The following ATP8B4 variants were observed in gnomAD, a reference collection of about 807,000 sequenced individuals.
ATP8B4 encodes the protein ATPase phospholipid transporting 8B4 (putative), also known as probable phospholipid-transporting ATPase IM.
In ATP8B4, 133 loss-of-function variants were observed where a neutral mutation model predicts 145.6. That is an observed-to-expected ratio of 0.91 (90% CI 0.79 to 1.05). The LOEUF is 1.05. ATP8B4 is among the 50% of genes least tolerant of loss of function. The pLI is 0.00. For synonymous variants in ATP8B4, 507 were observed against 492.9 expected (o/e 1.03, Z -0.38); for missense variants, 1,458 against 1,425.2 (o/e 1.02, Z -0.37).
Position 50,174,309 on chromosome 15 carries a change from G to C in ATP8B4, c.-43+7952C>G, listed in dbSNP as rs557670335. On this transcript the variant is annotated intron_variant, in intron 1 of 3. Coordinates refer to the ATP8B4 transcript ENST00000558829. Reference sequence around the variant, plus strand: ...TCCTAGCCAGAGTAATCAGACGAGAGAAAGAAATATAGAGCATCCAAATCG... The same window carrying C: ...TCCTAGCCAGAGTAATCAGACGAGACAAAGAAATATAGAGCATCCAAATCG... Among the ~76,000 whole-genome samples the C allele has an allele frequency of 3.9e-5, 6 of 152,222 alleles. No homozygotes were observed. The East Asian group carries it at 1.2e-3, about 29-fold the overall frequency.
intron 1 of ATP8B4, among the ~76,000 whole-genome samples, chr15:50,139,528 A>C (rs2044179320): frequency 1.3e-5 from 2 of 152,152 alleles, no homozygotes; most frequent in Non-Finnish European, 2.9e-5. Context: ...AGGTGCGGTA[A>C]ACCACCATGG....
At chr15:49,891,052 G>A (rs1269847943) in intron 23 of ATP8B4, among the ~76,000 whole-genome samples, 1 of 152,102 alleles carries the variant, frequency 6.6e-6, no homozygotes, top group Non-Finnish European at 1.5e-5. Flanking sequence ...CAAGATTTTA[G>A]CTAATTACAG....
At chr15:49,932,877 A>G (rs2041389974) in intron 15 of ATP8B4, among the ~76,000 whole-genome samples, 1 of 152,028 alleles carries the variant, frequency 6.6e-6, no homozygotes, top group Non-Finnish European at 1.5e-5. Flanking sequence ...CTTGGAATAA[A>G]ACTTGCCTAA....
chr15:50,019,270 G>A (rs1448355814), intron 6 of ATP8B4, among the ~76,000 whole-genome samples: 1 of 152,196 alleles, frequency 6.6e-6, no homozygotes, highest in African/African-American at 2.4e-5. Flanking sequence ...TGGAAAACAT[G>A]CACTTGAGTC....
At position 50,106,994 on chromosome 15, in the gene ATP8B4, C is replaced by T. The variant is rs1375530885; in HGVS notation, c.-28G>A. The T allele has an allele frequency of 3.2e-6, 5 of 1,555,104 alleles. No homozygotes were observed. The highest frequency in any genetic ancestry group is 4.3e-6 in the Non-Finnish European group (5 of 1,156,290). Reference sequence around the variant, plus strand: ...TTATACCTGATCTTTCACCAGGTCTCAACAGGTGGCCTACCTAAGAAAAAG... The same window carrying T: ...TTATACCTGATCTTTCACCAGGTCTTAACAGGTGGCCTACCTAAGAAAAAG... On this transcript the variant is annotated 5_prime_UTR_variant, in exon 2 of 28. Transcript: ENST00000284509.
intron 6 of ATP8B4, among the ~76,000 whole-genome samples, chr15:50,026,414 G>A (rs976726558): frequency 6.6e-6 from 1 of 152,182 alleles, no homozygotes; most frequent in African/African-American, 2.4e-5. Flanking sequence ...GTCCGGGAAA[G>A]AGCCCAGGAA....
At chr15:50,093,497 A>T (rs1397254195) in intron 2 of ATP8B4, among the ~76,000 whole-genome samples, 7 of 152,080 alleles carry the variant, frequency 4.6e-5, no homozygotes, top group Admixed American at 4.6e-4. Flanking sequence ...TAATCACAAA[A>T]AGAAGTTTAA....
intron 7 of ATP8B4, 30 bp downstream of exon 7, chr15:50,010,815 T>G: frequency 7.1e-7 from 1 of 1,399,992 alleles, no homozygotes; most frequent in Non-Finnish European, 9.6e-7. Flanking sequence ...TAATCTGAGA[T>G]AAATTATTCA....
chr15:50,068,230 G>GT (rs2053509277), intron 3 of ATP8B4, among the ~76,000 whole-genome samples: 2 of 152,184 alleles, frequency 1.3e-5, no homozygotes, highest in Non-Finnish European at 2.9e-5. Flanking sequence ...ATGGGCGGGA[G>GT]GGAAATAAAA....
At chr15:49,951,368 T>A (rs566244999) in intron 14 of ATP8B4, among the ~76,000 whole-genome samples, 1 of 152,236 alleles carries the variant, frequency 6.6e-6, no homozygotes, top group Admixed American at 6.5e-5. Context: ...GTTTTATGAA[T>A]CTGGTTGCTC....
chr15:50,030,172 G>T (rs1347781533), intron 6 of ATP8B4, among the ~76,000 whole-genome samples: 1 of 151,824 alleles, frequency 6.6e-6, no homozygotes, highest in Non-Finnish European at 1.5e-5. Flanking sequence ...GGCCTTTGTG[G>T]TTGAGGTTTG....
chr15:50,084,819 C>T (rs1176751096), intron 2 of ATP8B4, among the ~76,000 whole-genome samples: 2 of 152,130 alleles, frequency 1.3e-5, no homozygotes, highest in African/African-American at 4.8e-5. Flanking sequence ...TGTCACATCT[C>T]ATTCTCTGCC....
chr15:50,167,431 A>G (rs148966861), intron 1 of ATP8B4, among the ~76,000 whole-genome samples: 9 of 152,116 alleles, frequency 5.9e-5, no homozygotes, highest in East Asian at 1.9e-4. Context: ...TAGCACTTCA[A>G]TCTCTGCCTC....
At chr15:49,952,258 A>T (rs540779463) in intron 14 of ATP8B4, among the ~76,000 whole-genome samples, 2 of 152,182 alleles carry the variant, frequency 1.3e-5, no homozygotes, top group African/African-American at 4.8e-5. Flanking sequence ...AGGTTAGGGA[A>T]GTTCTCCTGG....
chr15:49,881,455 G>A (rs1015680827), intron 23 of ATP8B4, among the ~76,000 whole-genome samples: 53 of 152,182 alleles, frequency 3.5e-4, no homozygotes, highest in African/African-American at 1.3e-3. Flanking sequence ...ATCAGCTCTT[G>A]TGAATCAGTA....
chr15:50,047,097 T>C (rs1244782256), intron 4 of ATP8B4, among the ~76,000 whole-genome samples: 1 of 152,226 alleles, frequency 6.6e-6, no homozygotes, highest in Non-Finnish European at 1.5e-5. Flanking sequence ...TATTAGGCTC[T>C]GGTTTGGTTC....
At chr15:50,072,939 T>C (rs1324894937) in intron 3 of ATP8B4, among the ~76,000 whole-genome samples, 1 of 21,344 alleles carries the variant, frequency 4.7e-5, no homozygotes, top group African/African-American at 1.9e-4. Flanking sequence ...TCTCTCTCTC[T>C]CTCTCTCTCT....
intron 9 of ATP8B4, among the ~76,000 whole-genome samples, chr15:49,992,192 A>C (rs1343582727): frequency 6.6e-6 from 1 of 152,186 alleles, no homozygotes; most frequent in African/African-American, 2.4e-5. Context: ...GTGTGCAATT[A>C]CTCAGCATGG....
At chr15:50,074,647 A>G (rs2054063243) in intron 2 of ATP8B4, among the ~76,000 whole-genome samples, 1 of 152,234 alleles carries the variant, frequency 6.6e-6, no homozygotes, top group African/African-American at 2.4e-5. Context: ...CAAAGGTGAT[A>G]TCTGTAAGCA....
Sources: allele counts gnomAD v4.1 joint callset (sites outside exome capture counted in the v4.1 genomes callset), GRCh38; gene constraint gnomAD v4.1.1; transcripts MANE v1.5; gene names NCBI Gene and HGNC (gene_info 2026-07-23, HGNC 2026-07-21).